Variants in AMPH observed in about 807,000 individuals in gnomAD.
AMPH encodes the protein amphiphysin, also known as amphiphysin (Stiff-Mann syndrome with breast cancer 128kD autoantigen).
AMPH carries 49 observed loss-of-function variants against 99.1 expected under a neutral mutation model. That is an observed-to-expected ratio of 0.49 (90% CI 0.39 to 0.63). The LOEUF is 0.63. AMPH is among the 20% of genes least tolerant of loss of function. The pLI is 0.00. For missense variants in AMPH, 759 were observed against 863.4 expected, an observed-to-expected ratio of 0.88 and a Z score of 1.52; for synonymous variants, 314 against 317.3, an observed-to-expected ratio of 0.99 and a Z score of 0.11.
chr7:38,596,484 T>A (rs1286784257), intron 1 of AMPH, among the ~76,000 whole-genome samples: 7 of 152,074 alleles, frequency 4.6e-5, no homozygotes, highest in Middle Eastern at 3.2e-3. Context: ...TGGGAGGACA[T>A]GAAAGGGAGA....
chr7:38,459,111 T>C (rs528903219), intron 11 of AMPH, among the ~76,000 whole-genome samples: 1 of 152,102 alleles, frequency 6.6e-6, no homozygotes, highest in East Asian at 1.9e-4. Flanking sequence ...GAAATCAATA[T>C]GGCAATACCA....
Position 38,521,689 on chromosome 7 carries a change from C to T in AMPH, c.150+13242G>A, listed in dbSNP as rs533255348. Reference sequence around the variant, plus strand: ...AGGAAAGGAAATATTATCATCCACCCCATTCCTATGTTGCTTTCTTGATCT... The same window carrying T: ...AGGAAAGGAAATATTATCATCCACCTCATTCCTATGTTGCTTTCTTGATCT... On this transcript the variant is annotated intron_variant, in intron 2 of 20. Coordinates refer to ENST00000356264, the MANE Select transcript of AMPH (RefSeq NM_001635.4). Among the ~76,000 whole-genome samples the T allele has an allele frequency of 6.6e-5, 10 of 152,126 alleles. No individual in the cohort carries two copies. The South Asian group carries it at 1.9e-3, about 28-fold the overall frequency.
chr7:38,391,218 C>G (rs1408342154), intron 19 of AMPH, among the ~76,000 whole-genome samples: 2 of 152,202 alleles, frequency 1.3e-5, no homozygotes, highest in Non-Finnish European at 2.9e-5. Context: ...AGTAGCCTGT[C>G]TGAGCAAAAC....
intron 17 of AMPH, among the ~76,000 whole-genome samples, chr7:38,410,507 T>TA (rs1237571195): frequency 6.6e-6 from 1 of 152,170 alleles, no homozygotes; most frequent in African/African-American, 2.4e-5. Flanking sequence ...TCCACAATGA[T>TA]ATGTCATCCC....
chr7:38,395,685 A>AT (rs1784647983), intron 17 of AMPH, among the ~76,000 whole-genome samples: 2 of 152,152 alleles, frequency 1.3e-5, no homozygotes, highest in South Asian at 2.1e-4. Flanking sequence ...AGGATTAACT[A>AT]TTTTTTCTTT....
chr7:38,503,498 G>C (rs574280632), intron 3 of AMPH, 152 bp downstream of exon 3: 14 of 562,928 alleles, frequency 2.5e-5, no homozygotes, highest in South Asian at 1.7e-4. Flanking sequence ...TTTGGGGCGG[G>C]GGGGTGGGTG....
At chr7:38,602,871 C>A (rs1793297731) in intron 1 of AMPH, among the ~76,000 whole-genome samples, 1 of 152,136 alleles carries the variant, frequency 6.6e-6, no homozygotes, top group African/African-American at 2.4e-5. Context: ...AGGAAACAGA[C>A]TGCCCAAATT....
chr7:38,601,237 C>T (rs923400472), intron 1 of AMPH, among the ~76,000 whole-genome samples: 10 of 152,200 alleles, frequency 6.6e-5, no homozygotes, highest in South Asian at 6.2e-4. Flanking sequence ...GGCCCTTCTT[C>T]GCTACTGCAA....
intron 4 of AMPH, among the ~76,000 whole-genome samples, chr7:38,491,884 C>T (rs1019078731): frequency 1.3e-5 from 2 of 152,178 alleles, no homozygotes; most frequent in African/African-American, 4.8e-5. Context: ...GACTATCACA[C>T]CAGGCTGCCT....
intron 2 of AMPH, among the ~76,000 whole-genome samples, chr7:38,519,988 A>T (rs1431992759): frequency 1.3e-5 from 2 of 152,188 alleles, no homozygotes; most frequent in African/African-American, 4.8e-5. Context: ...TGAATCTAAG[A>T]AGTTGAAAAA....
intron 11 of AMPH, among the ~76,000 whole-genome samples, chr7:38,458,095 G>T (rs1453879173): frequency 6.6e-6 from 1 of 152,066 alleles, no homozygotes. Flanking sequence ...GTGGGCAAAG[G>T]TAAAATACTA....
chr7:38,523,238 C>G (rs1015267739), intron 2 of AMPH, among the ~76,000 whole-genome samples: 16 of 151,886 alleles, frequency 1.1e-4, no homozygotes, highest in African/African-American at 3.9e-4. Context: ...TGTATATACA[C>G]GTGTTGTGTG....
rs182263492 is a variant in AMPH, at chr7:38,587,819, A to G, written c.69+43464T>C. Among the ~76,000 whole-genome samples, 162 of 152,220 alleles carry G rather than the reference A, an allele frequency of 1.1e-3. 1 individual carries two copies. The highest frequency in any genetic ancestry group is 3.7e-3 in the African/African-American group (154 of 41,524). ...TGCTCATTCTCTAACCCTAACCTAC[A>G]GTATTTACTCTAATATTAATCTCCT... On this transcript the variant is annotated intron_variant, in intron 1 of 20. Transcript: ENST00000356264.
intron 1 of AMPH, among the ~76,000 whole-genome samples, chr7:38,601,888 C>T (rs1793258353): frequency 6.6e-6 from 1 of 152,192 alleles, no homozygotes; most frequent in African/African-American, 2.4e-5. Context: ...TCTACTCCCT[C>T]ATTATAAGAT....
intron 1 of AMPH, among the ~76,000 whole-genome samples, chr7:38,571,794 C>T (rs971726770): frequency 2.0e-5 from 3 of 151,926 alleles, no homozygotes; most frequent in African/African-American, 7.3e-5. Context: ...TTATTATCTA[C>T]AGTCATGTGC....
At chr7:38,541,590 C>T (rs139930282) in intron 1 of AMPH, among the ~76,000 whole-genome samples, 5 of 152,310 alleles carry the variant, frequency 3.3e-5, no homozygotes, top group East Asian at 1.9e-4. Flanking sequence ...TTAGCCATCA[C>T]GTCATCAAAG....
At chr7:38,581,998 A>G (rs961177432) in intron 1 of AMPH, among the ~76,000 whole-genome samples, 2 of 152,164 alleles carry the variant, frequency 1.3e-5, no homozygotes, top group Non-Finnish European at 2.9e-5. Flanking sequence ...GGATACACAG[A>G]TCTCAAGTTC....
intron 18 of AMPH, 47 bp from the exon 19 acceptor site, chr7:38,392,064 A>C: frequency 6.3e-7 from 1 of 1,587,296 alleles, no homozygotes; most frequent in Non-Finnish European, 8.5e-7. Flanking sequence ...CCTGGAAAAC[A>C]GAACCTCCTT....
At chr7:38,559,022 C>G (rs1791466764) in intron 1 of AMPH, among the ~76,000 whole-genome samples, 1 of 152,202 alleles carries the variant, frequency 6.6e-6, no homozygotes, top group Non-Finnish European at 1.5e-5. Flanking sequence ...AATCCAAGAA[C>G]AGTTCATTTA....
Sources: gnomAD v4.1 joint callset for allele counts (sites outside exome capture counted in the v4.1 genomes callset) on GRCh38, gnomAD v4.1.1 for gene constraint, MANE v1.5 for transcripts, NCBI Gene and HGNC (gene_info 2026-07-23, HGNC 2026-07-21) for gene names.